Variants in PACSIN1 observed in about 807,000 individuals in gnomAD.
The protein encoded by PACSIN1 is protein kinase C and casein kinase substrate in neurons 1.
Under a neutral mutation model 59.5 loss-of-function variants are expected in PACSIN1, and 15 were observed. The observed-to-expected ratio is 0.25, with a 90% CI of 0.17 to 0.39. The LOEUF is 0.39. Ranked by LOEUF, PACSIN1 falls within the 10% of genes least tolerant of loss-of-function variation. The pLI is 1.00. For synonymous variants in PACSIN1, 210 were observed against 220.6 expected (o/e 0.95, Z 0.42); for missense variants, 420 against 580.2 (o/e 0.72, Z 2.84).
chr6:34,485,809 C>A (rs918556407), intron 1 of PACSIN1, among the ~76,000 whole-genome samples: 1 of 152,114 alleles, frequency 6.6e-6, no homozygotes, highest in African/African-American at 2.4e-5. Context: ...AGCCCAGAGG[C>A]GGACAGCATG....
Position 34,488,502 on chromosome 6 carries a change from C to T in PACSIN1, c.-64+22232C>T, listed in dbSNP as rs1766826198. ...TTGCTGTCTCTTGGTGGAACTATTT[C>T]CCCTTTGGGAACCAGGATTTCTAAA... is the stretch of plus-strand genomic sequence containing the variant. On this transcript the variant is annotated intron_variant, in intron 1 of 9. Coordinates refer to ENST00000244458, the MANE Select transcript of PACSIN1 (RefSeq NM_020804.5). This position sits in a 1 kb window ranked among gnomAD's most constrained non-coding sequence, Gnocchi z 4.7. Among the ~76,000 whole-genome samples, 1 of 152,132 alleles carries T rather than the reference C, an allele frequency of 6.6e-6. No homozygotes were observed. The highest frequency in any genetic ancestry group is 1.5e-5 in the Non-Finnish European group (1 of 68,032).
intron 1 of PACSIN1, among the ~76,000 whole-genome samples, chr6:34,483,726 AC>A (rs1766754934): frequency 1.5e-5 from 2 of 133,492 alleles, no homozygotes. Flanking sequence ...GCTCACTGCA[AC>A]CTCCGCCTCC....
intron 1 of PACSIN1, among the ~76,000 whole-genome samples, chr6:34,499,627 C>T (rs992691068): frequency 1.3e-5 from 2 of 151,792 alleles, no homozygotes; most frequent in African/African-American, 4.8e-5. Flanking sequence ...AACCCCATCC[C>T]TACTAAAAAT....
At chr6:34,476,031 T>C (rs1766634464) in intron 1 of PACSIN1, among the ~76,000 whole-genome samples, 1 of 152,180 alleles carries the variant, frequency 6.6e-6, no homozygotes, top group South Asian at 2.1e-4. Flanking sequence ...TGAATATGTA[T>C]TGCGTGTGGT....
chr6:34,492,947 A>C (rs1381661500), intron 1 of PACSIN1, among the ~76,000 whole-genome samples: 1 of 152,246 alleles, frequency 6.6e-6, no homozygotes, highest in Non-Finnish European at 1.5e-5. Flanking sequence ...AGAAATAAAT[A>C]AAAACCACAC....
At chr6:34,500,962 C>A (rs1767014677) in intron 1 of PACSIN1, among the ~76,000 whole-genome samples, 1 of 152,214 alleles carries the variant, frequency 6.6e-6, no homozygotes, top group South Asian at 2.1e-4. Context: ...CTTCTTCACC[C>A]CTCTCAGACT....
chr6:34,471,086 C>T (rs1218925656), intron 1 of PACSIN1, among the ~76,000 whole-genome samples: 2 of 152,178 alleles, frequency 1.3e-5, no homozygotes, highest in Non-Finnish European at 2.9e-5. Context: ...GCTGAGATTA[C>T]AGGTGCCGGC....
chr6:34,527,593 AC>A, intron 3 of PACSIN1, 105 bp downstream of exon 3: 1 of 1,032,772 alleles, frequency 9.7e-7, no homozygotes, highest in Non-Finnish European at 1.3e-6. Context: ...CCCTCCATCT[AC>A]CAGACACAGG....
chr6:34,490,993 G>C (rs1487437513), intron 1 of PACSIN1, among the ~76,000 whole-genome samples: 1 of 151,768 alleles, frequency 6.6e-6, no homozygotes. Context: ...CATAGTCTTC[G>C]AGCAGGGGGA....
In PACSIN1 at chr6:34,490,226, CTTTTTTT is replaced by C. The variant is rs56754772; in HGVS notation, c.-64+23971_-64+23977del. On this transcript the variant is annotated intron_variant, in intron 1 of 9. Transcript: ENST00000244458. ...CCACCACACCTGGCTAATTTAAAAA[CTTTTTTT>C]TTTTTTTTTTTTTTGTAGAGACAGG... Among the ~76,000 whole-genome samples, 661 of 102,706 alleles carry C rather than the reference CTTTTTTT, an allele frequency of 6.4e-3. 5 individuals carry two copies. The highest frequency in any genetic ancestry group is 0.021 in the Middle Eastern group (3 of 142). The allele number at this position is 102,706 out of a possible 152,430, so 67.4% of individuals were successfully genotyped here.
intron 1 of PACSIN1, among the ~76,000 whole-genome samples, chr6:34,509,707 T>C (rs1473990770): frequency 1.3e-5 from 2 of 149,776 alleles, no homozygotes; most frequent in African/African-American, 2.5e-5. Flanking sequence ...TGAGATGTTT[T>C]TGTTTGTTTG....
At chr6:34,528,953 T>A in intron 4 of PACSIN1, 76 bp downstream of exon 4, 3 of 1,153,716 alleles carry the variant, frequency 2.6e-6, no homozygotes, top group Non-Finnish European at 3.8e-6. Flanking sequence ...AGGGAGGGCA[T>A]CTATGGATGG....
rs1767384345 is a variant in PACSIN1 at position 34,521,103 on chromosome 6, T to A, written c.-63-5140T>A. Among the ~76,000 whole-genome samples the A allele has an allele frequency of 6.6e-6, 1 of 152,236 alleles. No homozygotes were observed. Among genetic ancestry groups the A allele is most frequent in the Admixed American group, 6.5e-5 (1 of 15,290 alleles). ...CACTGGATGCTGGAAATACGGCAGA[T>A]AACCAGACAGATAAACACCGCTGAC... On this transcript the variant is annotated intron_variant, in intron 1 of 9. Coordinates refer to ENST00000244458, the MANE Select transcript of PACSIN1 (RefSeq NM_020804.5). The surrounding 1 kb of genome is among the most constrained non-coding windows in gnomAD (Gnocchi z 4.3).
chr6:34,498,537 C>T (rs1018440919), intron 1 of PACSIN1, among the ~76,000 whole-genome samples: 2 of 152,054 alleles, frequency 1.3e-5, no homozygotes, highest in Non-Finnish European at 2.9e-5. Flanking sequence ...GTGGCTCACA[C>T]CTGTAATCCC....
chr6:34,485,738 C>T (rs1198860141), intron 1 of PACSIN1, among the ~76,000 whole-genome samples: 1 of 152,156 alleles, frequency 6.6e-6, no homozygotes, highest in Non-Finnish European at 1.5e-5. Context: ...AGCCCTGGCC[C>T]TGTGAGGGCC....
intron 1 of PACSIN1, among the ~76,000 whole-genome samples, chr6:34,479,141 C>G (rs1454210496): frequency 6.6e-6 from 1 of 152,180 alleles, no homozygotes; most frequent in African/African-American, 2.4e-5. Flanking sequence ...CCTCCCAACA[C>G]AGCCACATTG....
Position 34,529,909 on chromosome 6 carries a change from C to A in PACSIN1, c.788+68C>A. The A allele has an allele frequency of 1.3e-6, 2 of 1,501,838 alleles. No individual in the cohort carries two copies. Among genetic ancestry groups the A allele is most frequent in the Non-Finnish European group, 9.1e-7 (1 of 1,100,872 alleles). The allele number at this position is 1,501,838 out of a possible 1,614,324, so 93.0% of individuals were successfully genotyped here. ...CAGATGGTGTGACTGGCATGCAGGG[C>A]ATCCCAGCCCTCCATCACAGTGACG... On this transcript the variant is annotated intron_variant, in intron 6 of 9. Transcript: ENST00000244458. This position sits in a 1 kb window ranked among gnomAD's most constrained non-coding sequence, Gnocchi z 6.3.
At chr6:34,504,287 TA>T (rs1429892385) in intron 1 of PACSIN1, among the ~76,000 whole-genome samples, 4 of 73,128 alleles carry the variant, frequency 5.5e-5, no homozygotes, top group South Asian at 4.1e-4. Context: ...TATATATATA[TA>T]TATTTTTTTT....
chr6:34,470,605 C>T (rs1201779317), intron 1 of PACSIN1, among the ~76,000 whole-genome samples: 1 of 66,316 alleles, frequency 1.5e-5, no homozygotes, highest in African/African-American at 6.1e-5. Flanking sequence ...GCCTCGACCT[C>T]CCGGGCCCAA....
Sources: gnomAD v4.1 joint callset for allele counts (sites outside exome capture counted in the v4.1 genomes callset) on GRCh38, gnomAD v4.1.1 for gene constraint, Gnocchi (gnomAD v3.1) non-coding constraint, MANE v1.5 for transcripts, NCBI Gene and HGNC (gene_info 2026-07-23, HGNC 2026-07-21) for gene names.